Variants in PLXNA4 observed in about 807,000 individuals in gnomAD.
PLXNA4 encodes plexin A4, also known as plexin-A4.
PLXNA4 carries 44 observed loss-of-function variants against 191.8 expected under a neutral mutation model. The ratio of observed to expected loss-of-function variants is 0.23; its 90% confidence interval spans 0.18 to 0.29. The LOEUF (loss-of-function observed/expected upper bound fraction) is 0.29, where lower values mean the gene tolerates loss of function less well. Ranked by LOEUF, PLXNA4 falls within the 10% of genes least tolerant of loss-of-function variation. The probability of loss-of-function intolerance (pLI) is 1.00; values close to 1 mark genes in which losing one functional copy is unlikely to be tolerated. For missense variants in PLXNA4, 1,800 were observed against 2,488.8 expected (o/e 0.72, Z 5.89); for synonymous variants, 1,082 against 1,009.5 (o/e 1.07, Z -1.36).
chr7:132,334,248 C>CTTTCTT (rs1802718762), intron 3 of PLXNA4, among the ~76,000 whole-genome samples: 1 of 99,746 alleles, frequency 1.0e-5, no homozygotes, highest in Non-Finnish European at 2.1e-5. Flanking sequence ...TTCTTTCTTT[C>CTTTCTT]TTTCTTTTTT....
chr7:132,196,986 C>A (rs1240857913), intron 13 of PLXNA4, among the ~76,000 whole-genome samples: 1 of 151,586 alleles, frequency 6.6e-6, no homozygotes, highest in Non-Finnish European at 1.5e-5. Context: ...TAGGGTATAA[C>A]CATACTCCCA....
At chr7:132,453,305 G>A (rs1265295081) in intron 3 of PLXNA4, among the ~76,000 whole-genome samples, 2 of 152,014 alleles carry the variant, frequency 1.3e-5, no homozygotes, top group Non-Finnish European at 2.9e-5. Flanking sequence ...CCCCACACAG[G>A]GACTCAGACT....
At chr7:132,320,775 G>A (rs527478384) in intron 3 of PLXNA4, among the ~76,000 whole-genome samples, 64 of 152,238 alleles carry the variant, frequency 4.2e-4, no homozygotes, top group Middle Eastern at 6.8e-3. Flanking sequence ...AGCAGCATCC[G>A]GGAACTTGTT....
At chr7:132,633,431 C>T (rs1167666213) in intron 2 of PLXNA4, among the ~76,000 whole-genome samples, 1 of 152,034 alleles carries the variant, frequency 6.6e-6, no homozygotes, top group Non-Finnish European at 1.5e-5. Flanking sequence ...TACAGGTGCC[C>T]ACCACCACAC....
intron 3 of PLXNA4, among the ~76,000 whole-genome samples, chr7:132,470,269 G>A (rs542163760): frequency 3.5e-4 from 53 of 152,290 alleles, no homozygotes; most frequent in African/African-American, 1.3e-3. Flanking sequence ...AACAAGGGGG[G>A]GCCTGTCCTC....
At chr7:132,235,565 G>A (rs1047685977) in intron 5 of PLXNA4, among the ~76,000 whole-genome samples, 5 of 152,202 alleles carry the variant, frequency 3.3e-5, no homozygotes, top group African/African-American at 1.2e-4. Context: ...GTGAGGGGGT[G>A]AAAGGGAGAC....
intron 3 of PLXNA4, among the ~76,000 whole-genome samples, chr7:132,452,401 C>T (rs1020098250): frequency 9.9e-5 from 15 of 152,208 alleles, no homozygotes; most frequent in Non-Finnish European, 1.9e-4. Flanking sequence ...CTACCAAGTA[C>T]ATGTTAGCAG....
At chr7:132,297,508 G>A (rs934709033) in intron 4 of PLXNA4, among the ~76,000 whole-genome samples, 4 of 152,112 alleles carry the variant, frequency 2.6e-5, no homozygotes, top group African/African-American at 9.7e-5. Context: ...TTCCTACTCA[G>A]CATCAGCAAA....
chr7:132,330,473 C>T lies in PLXNA4; in HGVS notation c.1372-32251G>A, dbSNP rs530902513. On this transcript the variant is annotated intron_variant, in intron 3 of 31. Transcript: ENST00000321063. ...ACAGAGAAAGGGCGGAAAAGGTCCTCAAGCCTTAAAAATAAAACTTGTCTT... is the reference window on the plus strand; with the variant it reads ...ACAGAGAAAGGGCGGAAAAGGTCCTTAAGCCTTAAAAATAAAACTTGTCTT... Among the ~76,000 whole-genome samples the T allele has an allele frequency of 1.8e-4, 27 of 152,322 alleles. 1 individual carries two copies. Among genetic ancestry groups the T allele is most frequent in the Middle Eastern group, 3.4e-3 (1 of 294 alleles).
intron 4 of PLXNA4, among the ~76,000 whole-genome samples, chr7:132,255,078 A>G (rs139624470): frequency 7.9e-5 from 12 of 152,300 alleles, no homozygotes; most frequent in Admixed American, 5.2e-4. Context: ...ACAACCCCCA[A>G]TACCAAAATG....
rs1441755278 is a variant in PLXNA4 at position 132,227,542 on chromosome 7, G to A, written c.1791C>T (p.Asp597=). Residue 597 remains aspartate, a synonymous_variant, in exon 7 of 32, where the codon GAC becomes GAT. Transcript: ENST00000321063. ...CGACCAGCCCATCCATCTCTGACAGGTCCTCAAAGGTGCAGTTGACGCCAG... is the reference window on the plus strand; with the variant it reads ...CGACCAGCCCATCCATCTCTGACAGATCCTCAAAGGTGCAGTTGACGCCAG... ...LSAGVNCTFE[D]LSEMDGLVVG... The A allele has an allele frequency of 6.2e-7, 1 of 1,614,188 alleles. No homozygotes were observed. The highest frequency in any genetic ancestry group is 2.2e-5 in the East Asian group (1 of 44,870).
chr7:132,440,286 G>A (rs952833764), intron 3 of PLXNA4, among the ~76,000 whole-genome samples: 3 of 152,166 alleles, frequency 2.0e-5, no homozygotes, highest in Admixed American at 2.0e-4. Flanking sequence ...CTCACATGCA[G>A]CTGTCAAATC....
chr7:132,328,092 A>G (rs997730347), intron 3 of PLXNA4, among the ~76,000 whole-genome samples: 1 of 152,052 alleles, frequency 6.6e-6, no homozygotes, highest in Non-Finnish European at 1.5e-5. Flanking sequence ...CTGGCAGCCC[A>G]TTTTCCTTTA....
rs984529279 is a variant in PLXNA4 at position 132,125,062 on chromosome 7, T to C, written c.*5417A>G. ...AAAAAAAAAAAAACTCTCTCTTGCA[T>C]GTCTGAAACTTTTACTGCAGTGGAT... On this transcript the variant is annotated 3_prime_UTR_variant, in exon 32 of 32. Coordinates refer to ENST00000321063, the MANE Select transcript of PLXNA4 (RefSeq NM_020911.2). 3 of 151,820 alleles carry C rather than the reference T, an allele frequency of 2.0e-5. No homozygotes were observed. Among genetic ancestry groups the C allele is most frequent in the Non-Finnish European group, 4.4e-5 (3 of 67,974 alleles). 9.4% of individuals were successfully genotyped at this position (151,820 alleles called of 1,614,324 possible). A position where few individuals can be genotyped will look rare whatever the true frequency, so the allele number is the denominator to read the frequency against.
rs1795393566 is a variant in PLXNA4 at position 132,145,480 on chromosome 7, T to C, written c.5056-192A>G. 5 of 734,756 alleles carry C rather than the reference T, an allele frequency of 6.8e-6. No homozygotes were observed. The East Asian group carries it at 1.4e-4, about 21-fold the overall frequency. The allele number at this position is 734,756 out of a possible 1,614,324, so 45.5% of individuals were successfully genotyped here. A position where few individuals can be genotyped will look rare whatever the true frequency, so the allele number is the denominator to read the frequency against. ...GTCTCTAACAGCTTTAAATTTCCCC[T>C]GCACATGGAAAAGAGATATAACACT... is the stretch of plus-strand genomic sequence containing the variant. On this transcript the variant is annotated intron_variant, in intron 28 of 31. Transcript: ENST00000321063.
intron 10 of PLXNA4, among the ~76,000 whole-genome samples, chr7:132,204,831 C>T (rs903191324): frequency 2.6e-5 from 4 of 152,194 alleles, no homozygotes; most frequent in African/African-American, 4.8e-5. Context: ...TCCTGAGTTA[C>T]GGAATGTGCT....
At chr7:132,216,192 G>GA (rs1797957588) in intron 9 of PLXNA4, among the ~76,000 whole-genome samples, 1 of 152,200 alleles carries the variant, frequency 6.6e-6, no homozygotes, top group African/African-American at 2.4e-5. Context: ...GCTTGGTGTA[G>GA]AAAAAAGCCC....
intron 13 of PLXNA4, 80 bp downstream of exon 13, chr7:132,198,404 CT>C: frequency 6.6e-7 from 1 of 1,520,174 alleles, no homozygotes; most frequent in Middle Eastern, 2.3e-4. Context: ...CTGAGAGCAC[CT>C]AGTTGCTGAC....
At chr7:132,185,222 C>T in intron 16 of PLXNA4, 77 bp downstream of exon 16, 2 of 1,517,726 alleles carry the variant, frequency 1.3e-6, no homozygotes, top group Non-Finnish European at 1.8e-6. Flanking sequence ...GCCCCCAGAA[C>T]TCTCCTTGGC....
Sources: allele counts gnomAD v4.1 joint callset (sites outside exome capture counted in the v4.1 genomes callset), GRCh38; gene constraint gnomAD v4.1.1; transcripts MANE v1.5; gene names NCBI Gene and HGNC (gene_info 2026-07-23, HGNC 2026-07-21).